Variants in HERC1 observed in about 807,000 individuals in gnomAD.
HERC1 encodes probable E3 ubiquitin-protein ligase HERC1.
A neutral mutation model predicts 554.3 loss-of-function variants in HERC1; 160 were observed. The observed-to-expected ratio is 0.29, with a 90% confidence interval of 0.25 to 0.33. The LOEUF (loss-of-function observed/expected upper bound fraction) is 0.33, where lower values mean the gene tolerates loss of function less well. HERC1 is among the 10% of genes least tolerant of loss of function. The probability of loss-of-function intolerance (pLI) is 1.00; values close to 1 mark genes in which losing one functional copy is unlikely to be tolerated. For synonymous variants in HERC1, 2,175 were observed against 2,131.7 expected, an observed-to-expected ratio of 1.02 and a Z score of -0.56; for missense variants, 4,919 against 5,918.5, an observed-to-expected ratio of 0.83 and a Z score of 5.54.
In HERC1 at chr15:63,663,122, C is replaced by A; in HGVS notation, c.8763G>T (p.Leu2921Phe). 1 of 1,614,016 alleles carries A rather than the reference C, an allele frequency of 6.2e-7. No individual in the cohort carries two copies. Among genetic ancestry groups the A allele is most frequent in the Non-Finnish European group, 8.5e-7 (1 of 1,179,882 alleles). Residue 2921 changes from leucine to phenylalanine, a missense_variant, in exon 44 of 78, where the codon TTG becomes TTT. Physicochemically the swap from Leu to Phe is conservative, Grantham distance 22. Around this residue, in one of 11 missense-constraint regions of HERC1, gnomAD observed 1,963 missense variants for 2,228.6 expected, o/e 0.88. Transcript: ENST00000443617. ...ATTCCTCATCTAAATTAAAGTCATACAACGCCCCTGGGTCTTGCTGCAAAG... is the reference window on the plus strand; with the variant it reads ...ATTCCTCATCTAAATTAAAGTCATAAAACGCCCCTGGGTCTTGCTGCAAAG... ...GISLQQDPGA[L>F]YDFNLDEELE...
rs774013895 is a variant in HERC1, at chr15:63,659,717, A to T, written c.9424+19T>A. On this transcript the variant is annotated intron_variant, in intron 47 of 77. Coordinates refer to ENST00000443617, the MANE Select transcript of HERC1 (RefSeq NM_003922.4). ...TAGTAGATGCTATAAAATCAATGCA[A>T]ATCAGGATTTCAGTTTACCTATTTG... 6.3e-7 allele frequency: 1 copy of T among 1,585,012 alleles called. No homozygotes were observed. The highest frequency in any genetic ancestry group is 1.1e-5 in the South Asian group (1 of 90,096).
At position 63,690,640 on chromosome 15, in the gene HERC1, A is replaced by T. The variant is rs183015026; in HGVS notation, c.5838T>A (p.Pro1946=). 4 of 1,588,664 alleles carry T rather than the reference A, an allele frequency of 2.5e-6. No individual in the cohort carries two copies. Among genetic ancestry groups the T allele is most frequent in the Admixed American group, 3.4e-5 (2 of 59,282 alleles). ...GCCTTGTTCTTAAGTTACCAACCAG[A>T]GGGATACCTGGAGGGGAAAAGACCT... ...IASQKCSSGI[P]LVGNLRTRLL... Residue 1946 remains proline, a synonymous_variant, in exon 32 of 78, where the codon CCT becomes CCA. Coordinates refer to ENST00000443617, the MANE Select transcript of HERC1 (RefSeq NM_003922.4).
chr15:63,664,379 TATC>T, intron 43 of HERC1, 88 bp downstream of exon 43: 1 of 1,141,354 alleles, frequency 8.8e-7, no homozygotes, highest in African/African-American at 1.5e-5. Context: ...GAGCACTTAG[TATC>T]ATTAGTTTGA....
In HERC1 at chr15:63,692,316, G is replaced by T; in HGVS notation, c.5830+95C>A. ...TAAGAAAGAAAAGCCTTCAAATCAA[G>T]GTTACACATGGAGTGTTGCTAAAGT... On this transcript the variant is annotated intron_variant, in intron 31 of 77. Transcript: ENST00000443617. The surrounding 1 kb of genome is among the most constrained non-coding windows in gnomAD (Gnocchi z 4.7). 1.1e-6 allele frequency: 1 copy of T among 888,462 alleles called. No individual in the cohort carries two copies. The highest frequency in any genetic ancestry group is 1.6e-6 in the Non-Finnish European group (1 of 613,344). The allele number at this position is 888,462 out of a possible 1,614,324, so 55.0% of individuals were successfully genotyped here.
intron 13 of HERC1, among the ~76,000 whole-genome samples, chr15:63,733,434 C>T (rs1026938247): frequency 2.6e-5 from 4 of 152,098 alleles, no homozygotes; most frequent in Admixed American, 1.3e-4. Flanking sequence ...GAGAGGAGTA[C>T]GAAATGCCAA....
At chr15:63,652,045 A>AAC (rs1555410477) in intron 52 of HERC1, among the ~76,000 whole-genome samples, 2 of 151,990 alleles carry the variant, frequency 1.3e-5, no homozygotes, top group African/African-American at 2.4e-5. Flanking sequence ...CAAAAAAGAA[A>AAC]AAAACAAAAC....
intron 1 of HERC1, among the ~76,000 whole-genome samples, chr15:63,819,864 T>C (rs2077624299): frequency 1.3e-5 from 2 of 152,348 alleles, no homozygotes; most frequent in Middle Eastern, 6.8e-3. Flanking sequence ...TCTAGCTGCA[T>C]GATCTTAGGC....
rs146634407 is a variant in HERC1 at position 63,700,527 on chromosome 15, C to T, written c.4637-1531G>A. Reference sequence around the variant, plus strand: ...CCCTAGGATTTCAAAATTCGTAACACGGAGCTAATATTACAAAGTAACTAT... The same window carrying T: ...CCCTAGGATTTCAAAATTCGTAACATGGAGCTAATATTACAAAGTAACTAT... On this transcript the variant is annotated intron_variant, in intron 25 of 77. Coordinates refer to ENST00000443617, the MANE Select transcript of HERC1 (RefSeq NM_003922.4). Among the ~76,000 whole-genome samples the T allele has an allele frequency of 4.1e-3, 628 of 151,646 alleles. 1 individual carries two copies. Among genetic ancestry groups the T allele is most frequent in the Non-Finnish European group, 6.5e-3 (443 of 67,886 alleles).
chr15:63,761,131 C>G (rs980678534), intron 3 of HERC1, among the ~76,000 whole-genome samples: 10 of 152,278 alleles, frequency 6.6e-5, no homozygotes, highest in African/African-American at 2.4e-4. Flanking sequence ...TATCAACATG[C>G]AAAAACTCTG....
chr15:63,614,295 G>C (rs1349059513), intron 76 of HERC1, among the ~76,000 whole-genome samples: 2 of 152,154 alleles, frequency 1.3e-5, no homozygotes, highest in Non-Finnish European at 2.9e-5. Context: ...GGCACTCAGT[G>C]CTTTCTTCTG....
intron 33 of HERC1, among the ~76,000 whole-genome samples, chr15:63,688,252 T>G (rs2071894750): frequency 6.6e-6 from 1 of 152,112 alleles, no homozygotes; most frequent in Non-Finnish European, 1.5e-5. Context: ...AGAGATTGTA[T>G]GGATAGAGAA....
intron 40 of HERC1, 62 bp downstream of exon 40, chr15:63,669,476 A>C (rs2070793784): frequency 1.3e-6 from 2 of 1,496,450 alleles, no homozygotes; most frequent in Non-Finnish European, 1.9e-6. Context: ...TGCCCACATA[A>C]TAAAGTCCCA....
intron 4 of HERC1, among the ~76,000 whole-genome samples, chr15:63,757,194 T>TAA (rs914657052): frequency 7.6e-6 from 1 of 130,882 alleles, no homozygotes; most frequent in South Asian, 2.4e-4. Context: ...GCTACAAATG[T>TAA]AAAAAAAAAA....
At position 63,624,347 on chromosome 15, in the gene HERC1, T is replaced by A. The variant is rs2068209609; in HGVS notation, c.13276-20A>T. On this transcript the variant is annotated intron_variant, in intron 71 of 77. Coordinates refer to ENST00000443617, the MANE Select transcript of HERC1 (RefSeq NM_003922.4). Reference sequence around the variant, plus strand: ...GCTGTTCTGTAACAGAAGGTACGGTTATCAGAAATGGTACAATCTAGGCTT... The same window carrying A: ...GCTGTTCTGTAACAGAAGGTACGGTAATCAGAAATGGTACAATCTAGGCTT... The A allele has an allele frequency of 1.3e-6, 2 of 1,565,024 alleles. No individual in the cohort carries two copies. The highest frequency in any genetic ancestry group is 2.3e-5 in the South Asian group (2 of 85,764).
At position 63,680,077 on chromosome 15, in the gene HERC1, C is replaced by A; in HGVS notation, c.6549G>T (p.Lys2183Asn). 1 of 1,595,048 alleles carries A rather than the reference C, an allele frequency of 6.3e-7. No individual in the cohort carries two copies. Among genetic ancestry groups the A allele is most frequent in the Non-Finnish European group, 8.6e-7 (1 of 1,165,366 alleles). ...VMFYSSNPGEKVKICDMQMRG... is the reference protein window; with the variant it reads ...VMFYSSNPGENVKICDMQMRG... ...AAATAAAGGTTTGAGACTTCATTAC[C>A]TTTTCCCCTGGATTGCTACTATAGA... is the stretch of plus-strand genomic sequence containing the variant. Residue 2183 changes from lysine to asparagine, a missense_variant and splice_region_variant, in exon 36 of 78, where the codon AAG (lysine) becomes AAT (asparagine). Lys to Asn is a moderately conservative substitution (Grantham distance 94). Transcript: ENST00000443617. This position sits in a 1 kb window ranked among gnomAD's most constrained non-coding sequence, Gnocchi z 5.8.
intron 1 of HERC1, among the ~76,000 whole-genome samples, chr15:63,787,571 A>C (rs550836146): frequency 6.6e-6 from 1 of 152,298 alleles, no homozygotes; most frequent in South Asian, 2.1e-4. Context: ...ATACTCAAAA[A>C]AAGTTCGCTA....
At position 63,664,542 on chromosome 15, in the gene HERC1, C is replaced by A. The variant is rs758803570; in HGVS notation, c.8608G>T (p.Ala2870Ser). 5 of 1,613,682 alleles carry A rather than the reference C, an allele frequency of 3.1e-6. No homozygotes were observed. The highest frequency in any genetic ancestry group is 3.3e-5 in the Admixed American group (2 of 59,994). The change falls in exon 43 of 78, where the codon GCT (alanine) becomes TCT (serine). Residue 2870 changes from alanine to serine, a missense_variant. Ala to Ser is a moderately conservative substitution (Grantham distance 99). Transcript: ENST00000443617. ...ENAASGSGPSARGRSAVTRRH... is the reference protein window; with the variant it reads ...ENAASGSGPSSRGRSAVTRRH... ...CTTGTTACCGCTGAGCGACCTCTAG[C>A]TGATGGTCCACTTCCAGAAGCTGCA...
In HERC1 at chr15:63,694,345, G is replaced by C; in HGVS notation, c.5447C>G (p.Thr1816Arg). The change falls in exon 29 of 78, where the codon ACA becomes AGA. Residue 1816 changes from threonine (T) to arginine (R), a missense_variant. This residue lies in a region of HERC1 where 1,121 missense variants were observed against 1,244.0 expected (regional missense o/e 0.90). Transcript: ENST00000443617. This position sits in a 1 kb window ranked among gnomAD's most constrained non-coding sequence, Gnocchi z 4.3. ...QLSTALKVASTRLLQILAITT... is the reference protein window; with the variant it reads ...QLSTALKVASRRLLQILAITT... The stretch of plus-strand genomic sequence containing the variant: ...GATGGCTAGAATCTGGAGCAACCTT[G>C]TACTGGCCACTTTCAAAGCTGTGCT... The C allele has an allele frequency of 6.2e-7, 1 of 1,613,842 alleles. No individual in the cohort carries two copies. Among genetic ancestry groups the C allele is most frequent in the Non-Finnish European group, 8.5e-7 (1 of 1,179,818 alleles).
At chr15:63,789,756 C>A (rs989734277) in intron 1 of HERC1, among the ~76,000 whole-genome samples, 1 of 151,332 alleles carries the variant, frequency 6.6e-6, no homozygotes, top group African/African-American at 2.4e-5. Context: ...CGAGATGATG[C>A]CACCCAGGTC....
Sources: allele counts gnomAD v4.1 joint callset (sites outside exome capture counted in the v4.1 genomes callset), GRCh38; gene constraint gnomAD v4.1.1; regional missense constraint gnomAD v4.1.1; non-coding constraint Gnocchi (gnomAD v3.1); transcripts MANE v1.5; gene names NCBI Gene and HGNC (gene_info 2026-07-23, HGNC 2026-07-21).